The following GNAI3 variants were observed in gnomAD, a reference collection of about 807,000 sequenced individuals.
GNAI3 encodes guanine nucleotide-binding protein G(i) subunit alpha-3.
Under a neutral mutation model 41.8 loss-of-function variants are expected in GNAI3, and 12 were observed. That is an observed-to-expected ratio of 0.29 (90% CI 0.18 to 0.47). The LOEUF (loss-of-function observed/expected upper bound fraction) is 0.47. Ranked by LOEUF, GNAI3 falls within the 20% of genes least tolerant of loss-of-function variation. GNAI3 has a pLI of 1.00. For synonymous variants in GNAI3, 132 were observed against 146.5 expected (o/e 0.90, Z 0.71); for missense variants, 360 against 429.6 (o/e 0.84, Z 1.43).
At chr1:109,555,723 A>C (rs911514566) in intron 1 of GNAI3, among the ~76,000 whole-genome samples, 1 of 152,186 alleles carries the variant, frequency 6.6e-6, no homozygotes, top group African/African-American at 2.4e-5. Context: ...TTTAGTTTTT[A>C]GGCAGTTGTC....
intron 1 of GNAI3, among the ~76,000 whole-genome samples, chr1:109,568,560 A>G (rs1378804550): frequency 3.9e-5 from 6 of 152,122 alleles, no homozygotes; most frequent in Non-Finnish European, 8.8e-5. Flanking sequence ...CAAAAAACAA[A>G]CAAACAAAAC....
intron 1 of GNAI3, among the ~76,000 whole-genome samples, chr1:109,555,398 A>C (rs1450522211): frequency 6.6e-6 from 1 of 152,198 alleles, no homozygotes; most frequent in Admixed American, 6.5e-5. Context: ...CAGTCAACTA[A>C]TCTTCGACAA....
chr1:109,571,812 G>A (rs974697891), intron 1 of GNAI3, among the ~76,000 whole-genome samples: 1 of 152,188 alleles, frequency 6.6e-6, no homozygotes, highest in African/African-American at 2.4e-5. Context: ...CAGCTACTCA[G>A]GAGGCTGAGG....
chr1:109,567,457 A>G (rs1648486830), intron 1 of GNAI3, among the ~76,000 whole-genome samples: 1 of 152,250 alleles, frequency 6.6e-6, no homozygotes, highest in Admixed American at 6.5e-5. Context: ...GATAGTAGAC[A>G]GGAATATCTG....
chr1:109,574,187 C>A, intron 3 of GNAI3, 150 bp downstream of exon 3: 1 of 586,058 alleles, frequency 1.7e-6, no homozygotes, highest in Non-Finnish European at 3.0e-6. Flanking sequence ...GAAATGTTAG[C>A]AATCTACTTT....
intron 1 of GNAI3, among the ~76,000 whole-genome samples, chr1:109,559,811 G>A (rs900565976): frequency 2.0e-5 from 3 of 152,032 alleles, no homozygotes; most frequent in Non-Finnish European, 1.5e-5. Context: ...TCCTGTTACC[G>A]GCTTAGTAAT....
chr1:109,592,040 T>C lies in GNAI3; in HGVS notation c.875-3T>C. The C allele has an allele frequency of 6.3e-7, 1 of 1,594,714 alleles. No homozygotes were observed. The highest frequency in any genetic ancestry group is 8.6e-7 in the Non-Finnish European group (1 of 1,165,258). The stretch of plus-strand genomic sequence containing the variant: ...AACTGAGAGTACTGGGTGTCCGTTT[T>C]AGGTTCCAATACATATGAAGAGGCA... On this transcript the variant is annotated splice_region_variant and splice_polypyrimidine_tract_variant and intron_variant, in intron 7 of 8. Transcript: ENST00000369851.
At chr1:109,586,672 A>C in intron 6 of GNAI3, 57 bp from the exon 7 acceptor site, 1 of 1,284,780 alleles carries the variant, frequency 7.8e-7, no homozygotes, top group Non-Finnish European at 1.1e-6. Flanking sequence ...CTTTTTCATT[A>C]ACTTAATCCA....
intron 7 of GNAI3, among the ~76,000 whole-genome samples, chr1:109,588,362 A>G (rs1402494350): frequency 6.9e-6 from 1 of 144,464 alleles, no homozygotes; most frequent in Non-Finnish European, 1.5e-5. Flanking sequence ...AGCCTGGGCG[A>G]CTGAGCAAAA....
chr1:109,574,413 A>G (rs968084222), intron 3 of GNAI3, among the ~76,000 whole-genome samples: 27 of 152,246 alleles, frequency 1.8e-4, no homozygotes, highest in East Asian at 1.9e-4. Flanking sequence ...GTACAGATTA[A>G]AGGCCAAAAT....
At chr1:109,558,616 C>CT (rs796127142) in intron 1 of GNAI3, among the ~76,000 whole-genome samples, 52 of 151,126 alleles carry the variant, frequency 3.4e-4, no homozygotes, top group African/African-American at 6.8e-4. Context: ...ATCACCCTGG[C>CT]TTTTTTTTTG....
chr1:109,553,087 G>A (rs1291215655), intron 1 of GNAI3, among the ~76,000 whole-genome samples: 5 of 152,274 alleles, frequency 3.3e-5, no homozygotes, highest in Admixed American at 6.5e-5. Flanking sequence ...GATGATGATC[G>A]TGAGAATTAC....
intron 5 of GNAI3, among the ~76,000 whole-genome samples, chr1:109,585,157 T>C (rs1649001798): frequency 6.6e-6 from 1 of 152,250 alleles, no homozygotes; most frequent in Non-Finnish European, 1.5e-5. Context: ...TGGCAGAGTT[T>C]AGCCTTTAAA....
intron 3 of GNAI3, among the ~76,000 whole-genome samples, chr1:109,577,430 C>T (rs180904491): frequency 1.2e-4 from 19 of 152,152 alleles, no homozygotes; most frequent in Admixed American, 1.1e-3. Context: ...GCACACGCCA[C>T]CATGCCCAGC....
chr1:109,592,161 T>C lies in GNAI3; in HGVS notation c.993T>C (p.Asn331=). 1 of 1,613,346 alleles carries C rather than the reference T, an allele frequency of 6.2e-7. No homozygotes were observed. The part of the protein sequence containing the change: ...THFTCATDTK[N]VQFVFDAVTD... ...TCACCTGTGCCACAGACACGAAGAA[T>C]GTGCAGTTTGTTTTTGATGCTGTTA... is the stretch of plus-strand genomic sequence containing the variant. The change falls in exon 8 of 9, where the codon AAT becomes AAC. Residue 331 remains asparagine, a synonymous_variant. Transcript: ENST00000369851.
chr1:109,555,477 C>T (rs1242043188), intron 1 of GNAI3, among the ~76,000 whole-genome samples: 1 of 152,080 alleles, frequency 6.6e-6, no homozygotes, highest in Admixed American at 6.5e-5. Flanking sequence ...ATTGACAAGC[C>T]ACATGTAGAA....
At chr1:109,562,917 A>C (rs951100872) in intron 1 of GNAI3, among the ~76,000 whole-genome samples, 2 of 152,192 alleles carry the variant, frequency 1.3e-5, no homozygotes, top group Non-Finnish European at 2.9e-5. Flanking sequence ...TTTATGGGTT[A>C]AAATGAAATA....
chr1:109,563,877 A>AT (rs36063437), intron 1 of GNAI3, among the ~76,000 whole-genome samples: 139,035 of 152,238 alleles, frequency 0.91, 63,684 homozygotes, highest in East Asian at 1. Flanking sequence ...GTAATGTTTA[A>AT]TTTTTATGCT....
intron 1 of GNAI3, among the ~76,000 whole-genome samples, chr1:109,561,027 A>G (rs1052122183): frequency 2.0e-5 from 3 of 152,178 alleles, no homozygotes. Context: ...ATAATGATAA[A>G]ACTATGACCA....
Sources: allele counts gnomAD v4.1 joint callset (sites outside exome capture counted in the v4.1 genomes callset), GRCh38; gene constraint gnomAD v4.1.1; transcripts MANE v1.5; gene names NCBI Gene and HGNC (gene_info 2026-07-23, HGNC 2026-07-21).